The following NOL10 variants were observed in gnomAD, a reference collection of about 807,000 sequenced individuals.
The protein encoded by NOL10 is H_NH0074G24.1.
A neutral mutation model predicts 103.5 loss-of-function variants in NOL10; 58 were observed. The observed-to-expected ratio is 0.56, with a 90% CI of 0.45 to 0.70. The LOEUF (loss-of-function observed/expected upper bound fraction) is 0.70, where lower values mean the gene tolerates loss of function less well. Among genes scored for constraint, NOL10 ranks in the 30% least tolerant of loss-of-function variants. NOL10 has a pLI of 0.00. For missense variants in NOL10, 763 were observed against 807.3 expected, an observed-to-expected ratio of 0.95 and a Z score of 0.67; for synonymous variants, 287 against 282.5, an observed-to-expected ratio of 1.02 and a Z score of -0.16.
At chr2:10,634,984 T>C (rs996467266) in intron 13 of NOL10, among the ~76,000 whole-genome samples, 7 of 152,192 alleles carry the variant, frequency 4.6e-5, no homozygotes, top group Non-Finnish European at 8.8e-5. Context: ...CTGAGTAGCC[T>C]GTTTCTAAAA....
At chr2:10,573,806 G>A (rs4668690) in intron 20 of NOL10, among the ~76,000 whole-genome samples, 14,400 of 151,970 alleles carry the variant, frequency 0.095, 843 homozygotes, top group Admixed American at 0.16. Context: ...TCTGAAGTGC[G>A]TCCCAAACTC....
chr2:10,683,241 A>C (rs186925537), intron 2 of NOL10, among the ~76,000 whole-genome samples: 2 of 152,362 alleles, frequency 1.3e-5, no homozygotes, highest in Admixed American at 1.3e-4. Context: ...TTCATATGTG[A>C]CAAGCTATAA....
intron 12 of NOL10, among the ~76,000 whole-genome samples, chr2:10,651,574 C>A (rs1179992819): frequency 1.3e-5 from 2 of 152,076 alleles, no homozygotes; most frequent in Non-Finnish European, 2.9e-5. Context: ...TTTATACTCA[C>A]AGTACATGTC....
In NOL10 at chr2:10,675,880, A is replaced by T. The variant is rs772825512; in HGVS notation, c.212-9T>A. The T allele has an allele frequency of 6.7e-7, 1 of 1,498,338 alleles. No homozygotes were observed. The highest frequency in any genetic ancestry group is 1.2e-5 in the South Asian group (1 of 81,002). The allele number at this position is 1,498,338 out of a possible 1,614,324, so 92.8% of individuals were successfully genotyped here. A position where few individuals can be genotyped will look rare whatever the true frequency, so the allele number is the denominator to read the frequency against. On this transcript the variant is annotated splice_polypyrimidine_tract_variant and intron_variant, in intron 3 of 20. Transcript: ENST00000381685. ...CCGAGGTTTATATGTTCCTACAAAA[A>T]ATTAATGTGATGTAAAACCTAAAGA...
chr2:10,669,513 TACACACACACACACAC>T (rs112846253), intron 6 of NOL10, among the ~76,000 whole-genome samples: 1 of 132,928 alleles, frequency 7.5e-6, no homozygotes, highest in South Asian at 3.0e-4. Flanking sequence ...CACACATATA[TACACACACACACACAC>T]ACACACACAC....
intron 6 of NOL10, among the ~76,000 whole-genome samples, chr2:10,669,686 G>C (rs1175458141): frequency 6.6e-6 from 1 of 151,096 alleles, no homozygotes; most frequent in Non-Finnish European, 1.5e-5. Context: ...GAGGTCAAGA[G>C]ACCGAGACCA....
intron 13 of NOL10, among the ~76,000 whole-genome samples, chr2:10,619,140 G>GGTATGTAT (rs1243860103): frequency 6.6e-6 from 1 of 152,032 alleles, no homozygotes; most frequent in Admixed American, 6.6e-5. Flanking sequence ...TATGTATGTA[G>GGTATGTAT]GTATGTATGT....
intron 8 of NOL10, among the ~76,000 whole-genome samples, chr2:10,666,669 T>C (rs894419832): frequency 8.7e-5 from 13 of 149,862 alleles, no homozygotes; most frequent in African/African-American, 3.2e-4. Flanking sequence ...TAATTATAAG[T>C]ACCAATAAGA....
intron 11 of NOL10, among the ~76,000 whole-genome samples, chr2:10,657,374 C>A (rs1320139837): frequency 6.6e-6 from 1 of 151,992 alleles, no homozygotes; most frequent in Non-Finnish European, 1.5e-5. Flanking sequence ...TACCAACATG[C>A]ATGGAAGGAT....
Position 10,657,859 on chromosome 2 carries a change from T to A in NOL10, c.789A>T (p.Pro263=). Residue 263 remains proline, a synonymous_variant, in exon 11 of 21, where the codon CCA becomes CCT. Transcript: ENST00000381685. ...CATACTGGTGATCTTTAACTAGCAATGGCTTATCAGATCGAAGGTCATATA... is the reference window on the plus strand; with the variant it reads ...CATACTGGTGATCTTTAACTAGCAAAGGCTTATCAGATCGAAGGTCATATA... The part of the protein sequence containing the change: ...VLLYDLRSDK[P]LLVKDHQYGL... 1.9e-6 allele frequency: 3 copies of A among 1,546,822 alleles called. No homozygotes were observed. The South Asian group carries it at 3.6e-5, about 19-fold the overall frequency.
At chr2:10,674,407 C>T (rs1681153673) in intron 4 of NOL10, among the ~76,000 whole-genome samples, 1 of 152,108 alleles carries the variant, frequency 6.6e-6, no homozygotes, top group Admixed American at 6.6e-5. Flanking sequence ...CTAAGAATGA[C>T]CCCCAGTGAC....
chr2:10,639,330 G>A (rs1678541911), intron 13 of NOL10, among the ~76,000 whole-genome samples: 1 of 152,190 alleles, frequency 6.6e-6, no homozygotes, highest in Non-Finnish European at 1.5e-5. Flanking sequence ...GCTGAGACAG[G>A]AGAATGGCGT....
At position 10,662,970 on chromosome 2, in the gene NOL10, T is replaced by C; in HGVS notation, c.666A>G (p.Thr222=). The change falls in exon 9 of 21, where the codon ACA becomes ACG. Residue 222 remains threonine (T), a synonymous_variant. Transcript: ENST00000381685. ...TAATTTCTACTTACTCTGAATCTGC[T>C]GTGACACTGTTTAAGGCGCAGTCTA... ...GLLDCALNSV[T]ADSEINSLPT... is the part of the protein sequence containing the mutation. 2 of 1,613,276 alleles carry C rather than the reference T, an allele frequency of 1.2e-6. No homozygotes were observed. Among genetic ancestry groups the C allele is most frequent in the Non-Finnish European group, 1.7e-6 (2 of 1,179,222 alleles).
chr2:10,608,170 GC>G (rs1676359079), intron 13 of NOL10, among the ~76,000 whole-genome samples: 1 of 152,006 alleles, frequency 6.6e-6, no homozygotes, highest in East Asian at 1.9e-4. Context: ...ATTTTTACTT[GC>G]CATTTAAAAA....
chr2:10,675,304 G>A (rs2148349751), intron 4 of NOL10, among the ~76,000 whole-genome samples: 1 of 152,256 alleles, frequency 6.6e-6, no homozygotes, highest in African/African-American at 2.4e-5. Flanking sequence ...GATGAGAAAT[G>A]CATGCAGCCT....
At chr2:10,636,402 C>T (rs1678218360) in intron 13 of NOL10, among the ~76,000 whole-genome samples, 1 of 121,160 alleles carries the variant, frequency 8.3e-6, no homozygotes, top group Non-Finnish European at 1.7e-5. Context: ...ATAGTGAAAC[C>T]CTGTCTCTAC....
intron 19 of NOL10, among the ~76,000 whole-genome samples, chr2:10,580,739 G>GCA (rs1041338857): frequency 2.6e-5 from 4 of 152,138 alleles, no homozygotes; most frequent in Admixed American, 2.0e-4. Flanking sequence ...ACGAACACAC[G>GCA]CGCACACACA....
At chr2:10,647,525 G>A (rs918492500) in intron 12 of NOL10, among the ~76,000 whole-genome samples, 7 of 152,142 alleles carry the variant, frequency 4.6e-5, no homozygotes, top group African/African-American at 1.4e-4. Context: ...TAGAAAATTC[G>A]AAACAAAACA....
chr2:10,618,136 C>T (rs1004709098), intron 13 of NOL10, among the ~76,000 whole-genome samples: 5 of 151,556 alleles, frequency 3.3e-5, no homozygotes, highest in East Asian at 3.9e-4. Flanking sequence ...CTCAGCCTCC[C>T]GAATAGCTGG....
Sources: gnomAD v4.1 joint callset for allele counts (sites outside exome capture counted in the v4.1 genomes callset) on GRCh38, gnomAD v4.1.1 for gene constraint, MANE v1.5 for transcripts, NCBI Gene and HGNC (gene_info 2026-07-23, HGNC 2026-07-21) for gene names.